Variants in ZNF84 observed in about 807,000 individuals in gnomAD.
The protein encoded by ZNF84 is zinc finger protein 84, also known as zinc finger protein HPF2.
ZNF84 carries 12 observed loss-of-function variants against 14.8 expected under a neutral mutation model. The observed-to-expected ratio is 0.81, with a 90% confidence interval of 0.52 to 1.31. The LOEUF is 1.31. Ranked by LOEUF, ZNF84 falls within the 50% of genes most tolerant of loss-of-function variation. The probability of loss-of-function intolerance (pLI) is 0.00; values close to 1 mark genes in which losing one functional copy is unlikely to be tolerated. For synonymous variants in ZNF84, 347 were observed against 291.1 expected, an observed-to-expected ratio of 1.19 and a Z score of -1.96; for missense variants, 859 against 878.6, an observed-to-expected ratio of 0.98 and a Z score of 0.28.
At chr12:133,053,112 G>A (rs1954098727) in intron 4 of ZNF84, among the ~76,000 whole-genome samples, 2 of 152,198 alleles carry the variant, frequency 1.3e-5, no homozygotes, top group Admixed American at 1.3e-4. Flanking sequence ...AATAGAAAAT[G>A]TAATTGGAAG....
Position 133,040,455 on chromosome 12 carries a change from TC to T in ZNF84, c.-190-821del, listed in dbSNP as rs1422789215. The T allele has an allele frequency of 2.0e-5, 3 of 151,452 alleles. No individual in the cohort carries two copies. In the East Asian group the frequency reaches 5.9e-4, roughly 30 times the overall value. The allele number at this position is 151,452 out of a possible 1,614,324, so 9.4% of individuals were successfully genotyped here. On this transcript the variant is annotated intron_variant, in intron 1 of 4. Transcript: ENST00000539354. ...GCATGGAGGCACACAAACCTGTAGTTCCAGCTACGTGGGAGGCTGAGGCAGG... is the reference window on the plus strand; with the variant it reads ...GCATGGAGGCACACAAACCTGTAGTTCAGCTACGTGGGAGGCTGAGGCAGG...
Position 133,060,644 on chromosome 12 carries a change from G to GT in ZNF84, c.*1713dup, listed in dbSNP as rs1383466250. 1.3e-5 allele frequency: 2 copies of GT among 152,180 alleles called. No homozygotes were observed. The highest frequency in any genetic ancestry group is 2.9e-5 in the Non-Finnish European group (2 of 68,040). The allele number at this position is 152,180 out of a possible 1,614,324, so 9.4% of individuals were successfully genotyped here. On this transcript the variant is annotated 3_prime_UTR_variant, in exon 5 of 5. Coordinates refer to ENST00000539354, the MANE Select transcript of ZNF84 (RefSeq NM_001289971.2). ...GATACCATTGTAATGTTGAGAAACTGTAAGTCACATCCTCTTAAGTCAGGA... is the reference window on the plus strand; with the variant it reads ...GATACCATTGTAATGTTGAGAAACTGTTAAGTCACATCCTCTTAAGTCAGGA...
Position 133,058,951 on chromosome 12 carries a change from T to C in ZNF84, c.*19T>C. ...ATCCTAGGAATACAGTTAATAGTAG[T>C]CTTTGACAGATCATCTTGGACTTCA... is the stretch of plus-strand genomic sequence containing the variant. On this transcript the variant is annotated 3_prime_UTR_variant, in exon 5 of 5. Coordinates refer to ENST00000539354, the MANE Select transcript of ZNF84 (RefSeq NM_001289971.2). The C allele has an allele frequency of 6.4e-7, 1 of 1,552,136 alleles. No individual in the cohort carries two copies. The highest frequency in any genetic ancestry group is 1.4e-5 in the African/African-American group (1 of 72,900).
At chr12:133,055,176 C>T (rs1954132814) in intron 4 of ZNF84, among the ~76,000 whole-genome samples, 1 of 152,030 alleles carries the variant, frequency 6.6e-6, no homozygotes, top group African/African-American at 2.4e-5. Flanking sequence ...GACTCATTCT[C>T]TATTTGTTCA....
chr12:133,056,676 T>G (rs913991557), intron 4 of ZNF84, among the ~76,000 whole-genome samples: 202 of 152,314 alleles, frequency 1.3e-3, no homozygotes, highest in African/African-American at 4.4e-3. Context: ...TCTTCTAACC[T>G]TTTTTCTTTG....
chr12:133,042,257 C>G (rs1323766414), intron 2 of ZNF84, among the ~76,000 whole-genome samples: 1 of 152,114 alleles, frequency 6.6e-6, no homozygotes. Flanking sequence ...CAAAGAGAAG[C>G]TTTAAGTGAA....
At chr12:133,054,712 T>G (rs1344560202) in intron 4 of ZNF84, among the ~76,000 whole-genome samples, 1 of 150,908 alleles carries the variant, frequency 6.6e-6, no homozygotes, top group African/African-American at 2.4e-5. Context: ...TAGACAGATA[T>G]GTACAACTAT....
intron 4 of ZNF84, among the ~76,000 whole-genome samples, chr12:133,052,145 G>T (rs1954080547): frequency 6.6e-6 from 1 of 152,102 alleles, no homozygotes; most frequent in Non-Finnish European, 1.5e-5. Flanking sequence ...ACCATATTCT[G>T]GGGAGCTTAA....
intron 2 of ZNF84, among the ~76,000 whole-genome samples, chr12:133,046,741 C>T (rs1023107913): frequency 4.0e-5 from 6 of 150,654 alleles, no homozygotes; most frequent in East Asian, 3.9e-4. Context: ...AGCTCACTGA[C>T]GCCTCGACCT....
At position 133,047,935 on chromosome 12, in the gene ZNF84, C is replaced by T. The variant is rs1954010421; in HGVS notation, c.16-20C>T. On this transcript the variant is annotated intron_variant, in intron 2 of 4. Coordinates refer to ENST00000539354, the MANE Select transcript of ZNF84 (RefSeq NM_001289971.2). ...TACGGTGTTAACTGCTTCAGATTTACCAGGATTGTGCTCTTACAGGAGTCA... is the reference window on the plus strand; with the variant it reads ...TACGGTGTTAACTGCTTCAGATTTATCAGGATTGTGCTCTTACAGGAGTCA... The T allele has an allele frequency of 8.1e-6, 13 of 1,612,768 alleles. No homozygotes were observed. In the South Asian group the frequency reaches 1.3e-4, roughly 16 times the overall value.
rs1954268094 is a variant in ZNF84, at chr12:133,061,722, C to A, written c.*2790C>A. The A allele has an allele frequency of 6.6e-6, 1 of 152,144 alleles. No homozygotes were observed. Among genetic ancestry groups the A allele is most frequent in the Admixed American group, 6.5e-5 (1 of 15,276 alleles). The allele number at this position is 152,144 out of a possible 1,614,324, so 9.4% of individuals were successfully genotyped here. ...CTTCCTACACTAGATAATGGAACTT[C>A]AACATTAGCCTATTGATTGCCCAAG... On this transcript the variant is annotated 3_prime_UTR_variant, in exon 5 of 5. Coordinates refer to ENST00000539354, the MANE Select transcript of ZNF84 (RefSeq NM_001289971.2).
In ZNF84 at chr12:133,057,614, T is replaced by C. The variant is rs1373552879; in HGVS notation, c.899T>C (p.Phe300Ser). The change falls in exon 5 of 5, where the codon TTC becomes TCC. Residue 300 changes from phenylalanine (F) to serine (S), a missense_variant. Coordinates refer to ENST00000539354, the MANE Select transcript of ZNF84 (RefSeq NM_001289971.2). ...GAGTGTGGTGAATGTGGGAAAGCCT[T>C]CTCCCGGAAGTCACATCTCATATCG... ...PYECGECGKA[F>S]SRKSHLISHW... The C allele has an allele frequency of 1.2e-6, 2 of 1,614,108 alleles. No individual in the cohort carries two copies. Among genetic ancestry groups the C allele is most frequent in the Non-Finnish European group, 1.7e-6 (2 of 1,180,030 alleles).
Position 133,057,143 on chromosome 12 carries a change from T to C in ZNF84, c.428T>C (p.Leu143Ser). ...TTGATTTTAAAACATCATTTAGATT[T>C]GCTTATTCCAAAAGGAGATTATGGA... ...DGLILKHHLDLLIPKGDYGKA... is the reference protein window; with the variant it reads ...DGLILKHHLDSLIPKGDYGKA... The change falls in exon 5 of 5, where the codon TTG (leucine) becomes TCG (serine). Residue 143 changes from leucine (L) to serine (S), a missense_variant. Transcript: ENST00000539354. 6.2e-7 allele frequency: 1 copy of C among 1,611,486 alleles called. No individual in the cohort carries two copies. The highest frequency in any genetic ancestry group is 8.5e-7 in the Non-Finnish European group (1 of 1,179,400).
intron 4 of ZNF84, among the ~76,000 whole-genome samples, chr12:133,054,841 T>C (rs1954126673): frequency 6.6e-6 from 1 of 152,174 alleles, no homozygotes; most frequent in Admixed American, 6.5e-5. Flanking sequence ...TGGCTTAGAA[T>C]AGTACCTAAC....
At position 133,058,522 on chromosome 12, in the gene ZNF84, C is replaced by CT; in HGVS notation, c.1810dup (p.Cys604LeufsTer2). ...TGGAGAGAAACCCTATGAATGCAGT[C>CT]TTTGTAGGAAAGCTTTTTTTGAGAA... On this transcript the variant is annotated frameshift_variant, in exon 5 of 5. Transcript: ENST00000539354. LOFTEE classifies it low-confidence loss of function (END_TRUNC). 4.3e-6 allele frequency: 7 copies of CT among 1,613,940 alleles called. No individual in the cohort carries two copies. Among genetic ancestry groups the CT allele is most frequent in the Non-Finnish European group, 5.9e-6 (7 of 1,179,966 alleles).
At chr12:133,046,890 T>C (rs1359228801) in intron 2 of ZNF84, among the ~76,000 whole-genome samples, 1 of 144,028 alleles carries the variant, frequency 6.9e-6, no homozygotes, top group Non-Finnish European at 1.5e-5. Context: ...TTATATATTA[T>C]TTTTAATATA....
At position 133,048,769 on chromosome 12, in the gene ZNF84, A is replaced by G; in HGVS notation, c.159A>G (p.Lys53=). ...SLVSLGYEVM[K]PDVIFKLEQG... Reference sequence around the variant, plus strand: ...CCTTAACAGGGTATGAAGTTATGAAACCAGATGTCATCTTCAAATTGGAGC... The same window carrying G: ...CCTTAACAGGGTATGAAGTTATGAAGCCAGATGTCATCTTCAAATTGGAGC... The change falls in exon 4 of 5, where the codon AAA becomes AAG. Residue 53 remains lysine, a synonymous_variant. Transcript: ENST00000539354. The G allele has an allele frequency of 1.2e-6, 2 of 1,613,822 alleles. No homozygotes were observed. The highest frequency in any genetic ancestry group is 3.3e-4 in the Middle Eastern group (2 of 6,058).
intron 2 of ZNF84, among the ~76,000 whole-genome samples, chr12:133,045,758 C>T (rs2137354144): frequency 6.6e-6 from 1 of 152,192 alleles, no homozygotes; most frequent in Non-Finnish European, 1.5e-5. Context: ...TGTTTATTGC[C>T]TGGCATTCAC....
intron 3 of ZNF84, 54 bp downstream of exon 3, chr12:133,048,135 T>G: frequency 1.3e-6 from 2 of 1,518,380 alleles, no homozygotes; most frequent in South Asian, 2.6e-5. Flanking sequence ...TTGCCTTTTA[T>G]TTTTAGTTGC....
Sources: gnomAD v4.1 joint callset for allele counts (sites outside exome capture counted in the v4.1 genomes callset) on GRCh38, gnomAD v4.1.1 for gene constraint, MANE v1.5 for transcripts, NCBI Gene and HGNC (gene_info 2026-07-23, HGNC 2026-07-21) for gene names.